ADAMTS19: variants seen among roughly 807,000 people sequenced by gnomAD.
ADAMTS19 encodes the protein A disintegrin and metalloproteinase with thrombospondin motifs 19.
Under a neutral mutation model 153.3 loss-of-function variants are expected in ADAMTS19, and 93 were observed. That is an observed-to-expected ratio of 0.61 (90% CI 0.51 to 0.72). The LOEUF is 0.72. Ranked by LOEUF, ADAMTS19 falls within the 30% of genes least tolerant of loss-of-function variation. The pLI, the probability that ADAMTS19 is intolerant of heterozygous loss-of-function variation, is 0.00. For synonymous variants in ADAMTS19, 600 were observed against 556.6 expected, an observed-to-expected ratio of 1.08 and a Z score of -1.10; for missense variants, 1,482 against 1,552.1, an observed-to-expected ratio of 0.95 and a Z score of 0.76.
chr5:129,658,624 G>GC lies in ADAMTS19; in HGVS notation c.2313dup (p.Cys772LeufsTer2). Reference sequence around the variant, plus strand: ...GTCACTCTCTTGTTACAGAAAGTTGGCTGTGATGGTTTATTAGGGTCTCTT... The same window carrying GC: ...GTCACTCTCTTGTTACAGAAAGTTGGCCTGTGATGGTTTATTAGGGTCTCTT... On this transcript the variant is annotated frameshift_variant, in exon 15 of 23. Coordinates refer to ENST00000274487, the MANE Select transcript of ADAMTS19 (RefSeq NM_133638.6). LOFTEE classifies it high-confidence loss of function. 1 of 1,610,642 alleles carries GC rather than the reference G, an allele frequency of 6.2e-7. No homozygotes were observed. Among genetic ancestry groups the GC allele is most frequent in the Non-Finnish European group, 8.5e-7 (1 of 1,178,662 alleles).
chr5:129,536,324 C>T (rs1242557449), intron 6 of ADAMTS19, among the ~76,000 whole-genome samples: 1 of 152,202 alleles, frequency 6.6e-6, no homozygotes, highest in African/African-American at 2.4e-5. Context: ...CTCATCATCA[C>T]TGGCCATCAG....
At chr5:129,719,177 T>C (rs1303153002) in intron 21 of ADAMTS19, among the ~76,000 whole-genome samples, 1 of 152,232 alleles carries the variant, frequency 6.6e-6, no homozygotes, top group Non-Finnish European at 1.5e-5. Flanking sequence ...ATATTTTTAC[T>C]GTTGTGTTTT....
At chr5:129,705,421 T>C (rs908645964) in intron 21 of ADAMTS19, among the ~76,000 whole-genome samples, 4 of 152,200 alleles carry the variant, frequency 2.6e-5, no homozygotes, top group African/African-American at 7.2e-5. Context: ...ATTTGAAATA[T>C]AAGCTATTTT....
At chr5:129,506,674 C>A (rs1328416922) in intron 2 of ADAMTS19, among the ~76,000 whole-genome samples, 3 of 151,798 alleles carry the variant, frequency 2.0e-5, no homozygotes, top group African/African-American at 4.8e-5. Context: ...AACAGGGATA[C>A]AAAATTTAAT....
chr5:129,717,216 A>G (rs1355460504), intron 21 of ADAMTS19, among the ~76,000 whole-genome samples: 2 of 152,210 alleles, frequency 1.3e-5, no homozygotes, highest in East Asian at 3.9e-4. Flanking sequence ...TCTCAAAAAT[A>G]TCTCAGCAAC....
chr5:129,578,128 G>A (rs1257389022), intron 7 of ADAMTS19, among the ~76,000 whole-genome samples: 16 of 97,496 alleles, frequency 1.6e-4, no homozygotes, highest in African/African-American at 3.6e-4. Context: ...GTACGTATAC[G>A]TACATATACC....
intron 16 of ADAMTS19, among the ~76,000 whole-genome samples, chr5:129,677,764 C>T (rs1207761930): frequency 6.6e-6 from 1 of 152,124 alleles, no homozygotes; most frequent in East Asian, 1.9e-4. Flanking sequence ...ATTTACCCTA[C>T]ACCAGCCCAT....
At chr5:129,717,707 A>G (rs920895678) in intron 21 of ADAMTS19, among the ~76,000 whole-genome samples, 2 of 152,206 alleles carry the variant, frequency 1.3e-5, no homozygotes, top group Non-Finnish European at 2.9e-5. Flanking sequence ...GGTGGATAGA[A>G]GCAAAGCTCA....
chr5:129,658,319 A>G (rs1431814197), intron 14 of ADAMTS19, among the ~76,000 whole-genome samples: 1,726 of 84,656 alleles, frequency 0.02, 152 homozygotes, highest in African/African-American at 0.076. Context: ...AAAAGAAAGA[A>G]AGAAAGAAAG....
intron 11 of ADAMTS19, among the ~76,000 whole-genome samples, chr5:129,646,508 A>C (rs1002919808): frequency 6.6e-6 from 1 of 152,226 alleles, no homozygotes; most frequent in Non-Finnish European, 1.5e-5. Flanking sequence ...AGATGAATAA[A>C]TATCAGAATG....
intron 2 of ADAMTS19, among the ~76,000 whole-genome samples, chr5:129,495,361 A>C (rs1352591270): frequency 6.6e-6 from 1 of 152,142 alleles, no homozygotes; most frequent in Admixed American, 6.6e-5. Flanking sequence ...AAAAGCATTC[A>C]TACGCTACAG....
In ADAMTS19 at chr5:129,647,756, T is replaced by C. The variant is rs1286997454; in HGVS notation, c.1873-9T>C. The stretch of plus-strand genomic sequence containing the variant: ...GATTTGTTCACCTAAGACATAACTT[T>C]TGGAATAGTGGTGTAAGGCTGGAGA... On this transcript the variant is annotated splice_polypyrimidine_tract_variant and intron_variant, in intron 11 of 22. Coordinates refer to ENST00000274487, the MANE Select transcript of ADAMTS19 (RefSeq NM_133638.6). The C allele has an allele frequency of 6.2e-7, 1 of 1,612,718 alleles. No individual in the cohort carries two copies. Among genetic ancestry groups the C allele is most frequent in the East Asian group, 2.2e-5 (1 of 44,884 alleles).
At chr5:129,551,743 A>G in intron 6 of ADAMTS19, 121 bp from the exon 7 acceptor site, 1 of 589,858 alleles carries the variant, frequency 1.7e-6, no homozygotes, top group Non-Finnish European at 3.0e-6. Flanking sequence ...CAGTTTTATT[A>G]GATTCTTGGA....
chr5:129,487,894 A>G (rs12187826), intron 2 of ADAMTS19, among the ~76,000 whole-genome samples: 24,869 of 152,066 alleles, frequency 0.16, 2,869 homozygotes, highest in African/African-American at 0.33. Flanking sequence ...CCATATATAC[A>G]TATTTCTTTG....
intron 21 of ADAMTS19, among the ~76,000 whole-genome samples, chr5:129,707,511 C>T (rs1276222235): frequency 2.0e-5 from 3 of 152,154 alleles, no homozygotes; most frequent in Non-Finnish European, 4.4e-5. Flanking sequence ...TGGTTTCACC[C>T]TTCATTTTAT....
chr5:129,602,462 G>A (rs1237828785), intron 8 of ADAMTS19, among the ~76,000 whole-genome samples: 1 of 152,066 alleles, frequency 6.6e-6, no homozygotes, highest in Non-Finnish European at 1.5e-5. Context: ...AAACAACAGT[G>A]TCTTCTTTTA....
Position 129,651,087 on chromosome 5 carries a change from A to G in ADAMTS19, c.2176+2117A>G, listed in dbSNP as rs577025371. Among the ~76,000 whole-genome samples the G allele has an allele frequency of 2.8e-4, 43 of 152,092 alleles. No homozygotes were observed. In the South Asian group the frequency reaches 4.8e-3, roughly 17 times the overall value. On this transcript the variant is annotated intron_variant, in intron 13 of 22. Coordinates refer to ENST00000274487, the MANE Select transcript of ADAMTS19 (RefSeq NM_133638.6). ...AACACCTACCCGGCTTTCCTACTACATCTCTGGTATGTTCTCCTTCTGCCT... is the reference window on the plus strand; with the variant it reads ...AACACCTACCCGGCTTTCCTACTACGTCTCTGGTATGTTCTCCTTCTGCCT...
intron 15 of ADAMTS19, among the ~76,000 whole-genome samples, chr5:129,662,888 A>ATTTTTTTTTTTTTTTTTTTTTTTTTTT (rs3049499): frequency 1.1e-5 from 1 of 92,888 alleles, no homozygotes; most frequent in Non-Finnish European, 2.0e-5. Context: ...ATTCTTCTTC[A>ATTTTTTTTTTTTTTTTTTTTTTTTTTT]TTTTTTTTTT....
At chr5:129,609,153 G>C (rs1397259695) in intron 8 of ADAMTS19, among the ~76,000 whole-genome samples, 1 of 152,090 alleles carries the variant, frequency 6.6e-6, no homozygotes, top group Non-Finnish European at 1.5e-5. Context: ...CAAATGCCTT[G>C]GTAAATGTTA....
Sources: gnomAD v4.1 joint callset for allele counts (sites outside exome capture counted in the v4.1 genomes callset) on GRCh38, gnomAD v4.1.1 for gene constraint, MANE v1.5 for transcripts, NCBI Gene and HGNC (gene_info 2026-07-23, HGNC 2026-07-21) for gene names.